STK32A: variants seen among roughly 807,000 people sequenced by gnomAD.
STK32A encodes serine/threonine kinase 32A, also known as serine/threonine-protein kinase 32A.
A neutral mutation model predicts 53.2 loss-of-function variants in STK32A; 41 were observed. The ratio of observed to expected loss-of-function variants is 0.77; its 90% confidence interval spans 0.60 to 1.00. The LOEUF (loss-of-function observed/expected upper bound fraction) is 1.00. STK32A is among the 50% of genes least tolerant of loss of function. STK32A has a pLI of 0.00. For synonymous variants in STK32A, 166 were observed against 162.8 expected, an observed-to-expected ratio of 1.02 and a Z score of -0.15; for missense variants, 458 against 485.8, an observed-to-expected ratio of 0.94 and a Z score of 0.54.
chr5:147,239,856 C>T, intron 2 of STK32A, 170 bp downstream of exon 2: 3 of 584,094 alleles, frequency 5.1e-6, no homozygotes, highest in Non-Finnish European at 9.1e-6. Flanking sequence ...TAGGTTTTAC[C>T]TTCCACTTTC....
chr5:147,400,651 G>A, the STK32A span: 1 of 1,605,024 alleles, frequency 6.2e-7, no homozygotes, highest in South Asian at 1.1e-5. Context: ...GCCCATGGAT[G>A]TTTTGGCTCT....
At chr5:147,338,192 T>C (rs1167911110) in intron 5 of STK32A, among the ~76,000 whole-genome samples, 10 of 152,288 alleles carry the variant, frequency 6.6e-5, no homozygotes, top group Admixed American at 3.3e-4. Context: ...TAGGAGTTAA[T>C]TGAGTCATGG....
chr5:147,365,774 G>A (rs1332584310), intron 8 of STK32A, among the ~76,000 whole-genome samples: 1 of 152,070 alleles, frequency 6.6e-6, no homozygotes, highest in African/African-American at 2.4e-5. Flanking sequence ...AGAGGAGCGA[G>A]TTGAAACAGA....
chr5:147,332,668 T>G (rs1754929448), intron 5 of STK32A, among the ~76,000 whole-genome samples: 1 of 152,162 alleles, frequency 6.6e-6, no homozygotes, highest in Non-Finnish European at 1.5e-5. Context: ...CACAAGCCCT[T>G]GCAAATGTTC....
chr5:147,263,363 G>T (rs1279786305), intron 2 of STK32A, among the ~76,000 whole-genome samples: 1 of 152,114 alleles, frequency 6.6e-6, no homozygotes, highest in African/African-American at 2.4e-5. Context: ...GTCCAAACAG[G>T]GGTTTAGGTC....
chr5:147,337,754 T>G (rs1430354154), intron 5 of STK32A, among the ~76,000 whole-genome samples: 1 of 152,074 alleles, frequency 6.6e-6, no homozygotes, highest in African/African-American at 2.4e-5. Flanking sequence ...CAAAGAATGT[T>G]AAAAGCGAAC....
At position 147,340,645 on chromosome 5, in the gene STK32A, T is replaced by C. The variant is rs527250656; in HGVS notation, c.435-2361T>C. On this transcript the variant is annotated intron_variant, in intron 5 of 12. Coordinates refer to ENST00000397936, the MANE Select transcript of STK32A (RefSeq NM_001112724.2). ...TTACCCTATTATATTTTGGAGAAAC[T>C]ATATAGTTAGAATCTAAGCTTAGAT... Among the ~76,000 whole-genome samples the C allele has an allele frequency of 2.3e-4, 35 of 152,334 alleles. 1 individual carries two copies. The highest frequency in any genetic ancestry group is 8.2e-4 in the African/African-American group (34 of 41,580).
At position 147,235,113 on chromosome 5, in the gene STK32A, C is replaced by T. The variant is rs767755074; in HGVS notation, c.-183C>T. 21 of 153,788 alleles carry T rather than the reference C, an allele frequency of 1.4e-4. No individual in the cohort carries two copies. The highest frequency in any genetic ancestry group is 2.6e-4 in the Non-Finnish European group (18 of 69,374). The allele number at this position is 153,788 out of a possible 1,614,324, so 9.5% of individuals were successfully genotyped here. A position where few individuals can be genotyped will look rare whatever the true frequency, so the allele number is the denominator to read the frequency against. ...TAGGTGCCTTTTCTTGCTCCTTGCTCTTGGAGTTCTTCTCTTAGTCCCTGT... is the reference window on the plus strand; with the variant it reads ...TAGGTGCCTTTTCTTGCTCCTTGCTTTTGGAGTTCTTCTCTTAGTCCCTGT... On this transcript the variant is annotated 5_prime_UTR_variant, in exon 1 of 13. Coordinates refer to ENST00000397936, the MANE Select transcript of STK32A (RefSeq NM_001112724.2).
At chr5:147,285,868 A>G (rs542368513) in intron 4 of STK32A, among the ~76,000 whole-genome samples, 1 of 152,226 alleles carries the variant, frequency 6.6e-6, no homozygotes, top group Non-Finnish European at 1.5e-5. Flanking sequence ...TACAGCCACT[A>G]TTGAAAACAG....
chr5:147,308,987 AT>A (rs1352269236), intron 4 of STK32A, among the ~76,000 whole-genome samples: 1 of 151,062 alleles, frequency 6.6e-6, no homozygotes, highest in African/African-American at 2.4e-5. Flanking sequence ...ATAAATATGT[AT>A]TCTATTTATA....
At chr5:147,282,025 G>A (rs1020683520) in intron 4 of STK32A, among the ~76,000 whole-genome samples, 1 of 152,096 alleles carries the variant, frequency 6.6e-6, no homozygotes, top group African/African-American at 2.4e-5. Flanking sequence ...ATGAAGGAAA[G>A]ATACAGTCAT....
At position 147,279,313 on chromosome 5, in the gene STK32A, T is replaced by G. The variant is rs533319689; in HGVS notation, c.175T>G (p.Cys59Gly). 6.2e-7 allele frequency: 1 copy of G among 1,613,932 alleles called. No homozygotes were observed. Among genetic ancestry groups the G allele is most frequent in the South Asian group, 1.1e-5 (1 of 91,068 alleles). Residue 59 changes from cysteine (C) to glycine (G), a missense_variant, in exon 4 of 13, where the codon TGC becomes GGC. By Grantham distance (159) the Cys-to-Gly change is radical. Transcript: ENST00000397936. ...YAMKYMNKQK[C>G]VERNEVRNVF... ...AATGAAGTACATGAATAAACAAAAGTGCGTGGAGCGCAATGAAGTGAGAAA... is the reference window on the plus strand; with the variant it reads ...AATGAAGTACATGAATAAACAAAAGGGCGTGGAGCGCAATGAAGTGAGAAA...
rs755371722 is a variant in STK32A, at chr5:147,370,721, T to C, written c.728T>C (p.Val243Ala). Residue 243 changes from valine to alanine, a missense_variant, in exon 9 of 13, where the codon GTA (valine) becomes GCA (alanine). Physicochemically the swap from Val to Ala is moderately conservative, Grantham distance 64 (BLOSUM62 0). Coordinates refer to ENST00000397936, the MANE Select transcript of STK32A (RefSeq NM_001112724.2). ...GTACACACGTTTGAGACGACTGTTGTAACTTACCCTTCTGCCTGGTCACAG... is the reference window on the plus strand; with the variant it reads ...GTACACACGTTTGAGACGACTGTTGCAACTTACCCTTCTGCCTGGTCACAG... ...EIVHTFETTV[V>A]TYPSAWSQEM... The C allele has an allele frequency of 6.2e-7, 1 of 1,612,836 alleles. No individual in the cohort carries two copies. Among genetic ancestry groups the C allele is most frequent in the South Asian group, 1.1e-5 (1 of 91,046 alleles).
chr5:147,342,091 T>C (rs910332843), intron 5 of STK32A, among the ~76,000 whole-genome samples: 2 of 152,318 alleles, frequency 1.3e-5, no homozygotes, highest in Middle Eastern at 3.4e-3. Context: ...TAATGTACCA[T>C]TAAAGCCCTT....
intron 2 of STK32A, among the ~76,000 whole-genome samples, chr5:147,251,917 T>C (rs972638506): frequency 1.3e-5 from 2 of 152,130 alleles, no homozygotes; most frequent in African/African-American, 4.8e-5. Context: ...AACAATTCAT[T>C]ATGAGCCAGG....
intron 4 of STK32A, among the ~76,000 whole-genome samples, chr5:147,297,095 A>C (rs1170043677): frequency 6.6e-6 from 1 of 152,210 alleles, no homozygotes; most frequent in African/African-American, 2.4e-5. Flanking sequence ...ACCTTAACCA[A>C]GGTTATGTCT....
chr5:147,336,707 C>T (rs1364996062), intron 5 of STK32A, among the ~76,000 whole-genome samples: 1 of 152,146 alleles, frequency 6.6e-6, no homozygotes, highest in Non-Finnish European at 1.5e-5. Context: ...TTCACTTCTG[C>T]CCCCTATTCC....
chr5:147,316,872 A>AAG (rs893300589), intron 4 of STK32A, among the ~76,000 whole-genome samples: 12 of 151,028 alleles, frequency 7.9e-5, no homozygotes, highest in African/African-American at 2.9e-4. Context: ...AAAAAAAAAA[A>AAG]AAAAAAAAAA....
chr5:147,383,431 C>A lies in STK32A; in HGVS notation c.1033-10C>A. 1 of 1,588,932 alleles carries A rather than the reference C, an allele frequency of 6.3e-7. No homozygotes were observed. The highest frequency in any genetic ancestry group is 2.3e-5 in the East Asian group (1 of 44,052). On this transcript the variant is annotated splice_polypyrimidine_tract_variant and intron_variant, in intron 11 of 12. Coordinates refer to ENST00000397936, the MANE Select transcript of STK32A (RefSeq NM_001112724.2). ...TATACCTCTATTTTTTTTCTACGTT[C>A]ACCTGGAAGACATGTCTTCTTCAAG... is the stretch of plus-strand genomic sequence containing the variant.
Sources: gnomAD v4.1 joint callset for allele counts (sites outside exome capture counted in the v4.1 genomes callset) on GRCh38, gnomAD v4.1.1 for gene constraint, MANE v1.5 for transcripts, NCBI Gene and HGNC (gene_info 2026-07-23, HGNC 2026-07-21) for gene names.